TAFA5: variants seen among roughly 807,000 people sequenced by gnomAD.
TAFA5 encodes the protein TAFA chemokine like family member 5, also known as chemokine-like protein TAFA-5.
A neutral mutation model predicts 15.3 loss-of-function variants in TAFA5; 6 were observed. The ratio of observed to expected loss-of-function variants is 0.39; its 90% CI spans 0.21 to 0.77. TAFA5 has a LOEUF of 0.77. Among genes scored for constraint, TAFA5 ranks in the 30% least tolerant of loss-of-function variants. The probability of loss-of-function intolerance (pLI) is 0.41; values close to 1 mark genes in which losing one functional copy is unlikely to be tolerated. For synonymous variants in TAFA5, 103 were observed against 80.7 expected, an observed-to-expected ratio of 1.28 and a Z score of -1.48; for missense variants, 161 against 193.1, an observed-to-expected ratio of 0.83 and a Z score of 0.98.
intron 1 of TAFA5, among the ~76,000 whole-genome samples, chr22:48,586,323 G>A (rs899656695): frequency 1.3e-5 from 2 of 152,258 alleles, no homozygotes; most frequent in South Asian, 2.1e-4. Flanking sequence ...CGTCTTGCAG[G>A]TCTTGTGCTC....
intron 1 of TAFA5, among the ~76,000 whole-genome samples, chr22:48,605,240 GTGA>G (rs200739737): frequency 0.031 from 4,039 of 128,516 alleles, 165 homozygotes; most frequent in Middle Eastern, 0.062. Flanking sequence ...GGTAATGATG[GTGA>G]TGATGGTGAT....
chr22:48,707,168 G>C (rs142671538), intron 2 of TAFA5, among the ~76,000 whole-genome samples: 12 of 152,036 alleles, frequency 7.9e-5, no homozygotes, highest in Non-Finnish European at 1.3e-4. Context: ...CAGATGAGAC[G>C]AGGCGGGAGT....
chr22:48,695,742 C>G (rs895263005), intron 2 of TAFA5, among the ~76,000 whole-genome samples: 4 of 152,160 alleles, frequency 2.6e-5, no homozygotes, highest in Non-Finnish European at 5.9e-5. Context: ...AGCAGGGGCA[C>G]CTTCCTGAGC....
intron 1 of TAFA5, among the ~76,000 whole-genome samples, chr22:48,588,971 C>A (rs77494151): frequency 6.6e-6 from 1 of 152,242 alleles, no homozygotes; most frequent in South Asian, 2.1e-4. Flanking sequence ...TACCTTCCTT[C>A]TCCTCCGATT....
intron 2 of TAFA5, among the ~76,000 whole-genome samples, chr22:48,699,239 G>A (rs1475591659): frequency 2.0e-5 from 3 of 152,078 alleles, no homozygotes; most frequent in Non-Finnish European, 2.9e-5. Context: ...TGCTGACAAC[G>A]CCTTTTAAGG....
chr22:48,607,324 T>C lies in TAFA5; in HGVS notation c.113-39273T>C, dbSNP rs1925229547. On this transcript the variant is annotated intron_variant, in intron 1 of 3. Transcript: ENST00000402357. ...GTTCTGATTAGGGCTGGCCCACCCA[T>C]CCCAGGTACCTCAGCCTGGAGCAGA... Among the ~76,000 whole-genome samples the C allele has an allele frequency of 1.5e-5, 2 of 137,404 alleles. 1 individual carries two copies. Among genetic ancestry groups the C allele is most frequent in the Non-Finnish European group, 3.1e-5 (2 of 63,672 alleles). 90.1% of individuals were successfully genotyped at this position (137,404 alleles called of 152,430 possible). A position where few individuals can be genotyped will look rare whatever the true frequency, so the allele number is the denominator to read the frequency against.
intron 1 of TAFA5, among the ~76,000 whole-genome samples, chr22:48,567,055 C>T (rs565684582): frequency 6.6e-5 from 10 of 152,234 alleles, no homozygotes; most frequent in Admixed American, 2.0e-4. Context: ...TTTCTCCACA[C>T]GGGCAGGTGC....
intron 1 of TAFA5, chr22:48,546,716 A>T (rs1370209225): frequency 7.3e-6 from 3 of 410,138 alleles, no homozygotes; most frequent in Non-Finnish European, 1.0e-5. Context: ...GGTGCCCAGC[A>T]CTCATGTTCC....
intron 1 of TAFA5, among the ~76,000 whole-genome samples, chr22:48,621,570 G>A (rs1051577235): frequency 6.6e-6 from 1 of 152,148 alleles, no homozygotes; most frequent in Non-Finnish European, 1.5e-5. Flanking sequence ...GCAGGAGCGA[G>A]TAGAAGGGAG....
intron 2 of TAFA5, among the ~76,000 whole-genome samples, chr22:48,650,252 T>G (rs1219339059): frequency 6.6e-6 from 1 of 152,212 alleles, no homozygotes; most frequent in Non-Finnish European, 1.5e-5. Flanking sequence ...CCACAGGCGC[T>G]CGGAATGCCG....
chr22:48,513,111 T>C (rs968659823), intron 1 of TAFA5, among the ~76,000 whole-genome samples: 1 of 152,084 alleles, frequency 6.6e-6, no homozygotes, highest in Non-Finnish European at 1.5e-5. Flanking sequence ...CAGGCCTGTT[T>C]ATGTGCAGAG....
intron 1 of TAFA5, among the ~76,000 whole-genome samples, chr22:48,501,568 A>T (rs982956884): frequency 3.3e-5 from 5 of 151,946 alleles, no homozygotes; most frequent in African/African-American, 1.2e-4. Context: ...CCGGGGAGAG[A>T]TAGAGGAGGG....
At chr22:48,628,934 A>G (rs893547864) in intron 1 of TAFA5, among the ~76,000 whole-genome samples, 9 of 152,156 alleles carry the variant, frequency 5.9e-5, no homozygotes, top group Non-Finnish European at 1.0e-4. Context: ...TCAGGCGTGC[A>G]GTGTGACCAA....
intron 1 of TAFA5, among the ~76,000 whole-genome samples, chr22:48,645,743 G>C (rs1421090923): frequency 6.6e-6 from 1 of 152,050 alleles, no homozygotes; most frequent in Non-Finnish European, 1.5e-5. Flanking sequence ...CATGAAGCTT[G>C]TGTGTACCTG....
intron 2 of TAFA5, among the ~76,000 whole-genome samples, chr22:48,700,640 G>C (rs768845720): frequency 3.9e-5 from 6 of 152,188 alleles, no homozygotes; most frequent in Non-Finnish European, 7.3e-5. Context: ...TGTGCACGTG[G>C]ATGTGCATGT....
chr22:48,531,577 C>T (rs1921974215), intron 1 of TAFA5, among the ~76,000 whole-genome samples: 1 of 152,192 alleles, frequency 6.6e-6, no homozygotes, highest in Admixed American at 6.5e-5. Flanking sequence ...GGTAGCCGGC[C>T]TGCACCCCTA....
At position 48,708,126 on chromosome 22, in the gene TAFA5, C is replaced by T. The variant is rs549877710; in HGVS notation, c.390+282C>T. 9.2e-4 allele frequency among the ~76,000 whole-genome samples: 140 copies of T among 152,316 alleles called. 1 individual carries two copies. The highest frequency in any genetic ancestry group is 3.1e-3 in the African/African-American group (129 of 41,578). ...AGAAGTCAGATCACTGACCAGGTCTCGAAACCCCCTGGTTAGAGCCGTCTT... is the reference window on the plus strand; with the variant it reads ...AGAAGTCAGATCACTGACCAGGTCTTGAAACCCCCTGGTTAGAGCCGTCTT... On this transcript the variant is annotated intron_variant, in intron 3 of 3. Transcript: ENST00000402357.
intron 1 of TAFA5, among the ~76,000 whole-genome samples, chr22:48,632,567 C>T (rs559078066): frequency 4.1e-4 from 63 of 152,284 alleles, no homozygotes; most frequent in African/African-American, 1.4e-3. Flanking sequence ...TGAAACAAGA[C>T]GCACAGAACG....
chr22:48,591,289 C>A (rs915592012), intron 1 of TAFA5, among the ~76,000 whole-genome samples: 23 of 152,330 alleles, frequency 1.5e-4, no homozygotes, highest in African/African-American at 5.5e-4. Flanking sequence ...TTCCCGGTTC[C>A]TTAGTGAATC....
Sources: allele counts gnomAD v4.1 joint callset (sites outside exome capture counted in the v4.1 genomes callset), GRCh38; gene constraint gnomAD v4.1.1; transcripts MANE v1.5; gene names NCBI Gene and HGNC (gene_info 2026-07-23, HGNC 2026-07-21).